The following C19orf38 variants were observed in gnomAD, a reference collection of about 807,000 sequenced individuals.
C19orf38 encodes chromosome 19 open reading frame 38.
C19orf38 carries 14 observed loss-of-function variants against 26.6 expected under a neutral mutation model. The observed-to-expected ratio is 0.53, with a 90% CI of 0.35 to 0.82. The LOEUF (loss-of-function observed/expected upper bound fraction) is 0.82, where lower values mean the gene tolerates loss of function less well. Ranked by LOEUF, C19orf38 falls within the 40% of genes least tolerant of loss-of-function variation. C19orf38 has a pLI of 0.01. For missense variants in C19orf38, 261 were observed against 299.5 expected (o/e 0.87, Z 0.95); for synonymous variants, 132 against 128.5 (o/e 1.03, Z -0.18).
intron 4 of C19orf38, among the ~76,000 whole-genome samples, chr19:10,859,128 G>A (rs1283892334): frequency 6.7e-6 from 1 of 149,532 alleles, no homozygotes; most frequent in Non-Finnish European, 1.5e-5. Flanking sequence ...GTAGAGACGG[G>A]ATTTCTCCAT....
At chr19:10,838,755 T>G (rs557908723) in intron 1 of C19orf38, among the ~76,000 whole-genome samples, 5 of 152,138 alleles carry the variant, frequency 3.3e-5, no homozygotes, top group Non-Finnish European at 5.9e-5. Context: ...ATAGATGAGC[T>G]GGTGAGGAGA....
chr19:10,853,954 G>A (rs184330936), intron 2 of C19orf38, among the ~76,000 whole-genome samples: 93 of 149,472 alleles, frequency 6.2e-4, no homozygotes, highest in Non-Finnish European at 9.8e-4. Context: ...TCAGTAGGCT[G>A]AGGCAGGTGG....
At chr19:10,842,175 C>T in intron 1 of C19orf38, 1 of 1,562,722 alleles carries the variant, frequency 6.4e-7, no homozygotes, top group African/African-American at 1.4e-5. Context: ...AATGTTCATT[C>T]CGGCAAATGT....
chr19:10,837,503 CTT>C (rs958209460), intron 1 of C19orf38, among the ~76,000 whole-genome samples: 6 of 93,614 alleles, frequency 6.4e-5, no homozygotes, highest in South Asian at 3.8e-4. Flanking sequence ...TTTTTTTTTC[CTT>C]TTTTTTTTTT....
chr19:10,849,672 A>G (rs564737232), intron 1 of C19orf38, among the ~76,000 whole-genome samples: 1 of 152,170 alleles, frequency 6.6e-6, no homozygotes, highest in African/African-American at 2.4e-5. Context: ...CTGGGCGACA[A>G]AGCAAGATTT....
chr19:10,855,728 CA>C (rs2073618077), intron 2 of C19orf38, among the ~76,000 whole-genome samples: 1 of 152,100 alleles, frequency 6.6e-6, no homozygotes, highest in Non-Finnish European at 1.5e-5. Context: ...CGGGGTTTCA[CA>C]GTGTTAGCCA....
exon 1 of C19orf38, chr19:10,836,724 G>A (rs2073434001): frequency 6.5e-6 from 1 of 153,278 alleles, no homozygotes; most frequent in East Asian, 1.9e-4. Context: ...CGTGGTCCAG[G>A]TTCGACGCCT....
chr19:10,844,125 G>A (rs1599655470), upstream of C19orf38, among the ~76,000 whole-genome samples: 1 of 150,082 alleles, frequency 6.7e-6, no homozygotes. Flanking sequence ...AAAAAAAAAA[G>A]GCTGGACACG....
At chr19:10,865,958 T>A (rs7260254) in intron 6 of C19orf38, among the ~76,000 whole-genome samples, 38,270 of 151,544 alleles carry the variant, frequency 0.25, 4,889 homozygotes, top group Middle Eastern at 0.33. Context: ...GACCACAGAC[T>A]TCCACCACCA....
At position 10,848,553 on chromosome 19, in the gene C19orf38, C is replaced by G. The variant is rs1254974529; in HGVS notation, c.31+14C>G. 8.1e-6 allele frequency: 12 copies of G among 1,481,746 alleles called. No individual in the cohort carries two copies. Among genetic ancestry groups the G allele is most frequent in the Non-Finnish European group, 1.0e-5 (11 of 1,103,784 alleles). The allele number at this position is 1,481,746 out of a possible 1,614,324, so 91.8% of individuals were successfully genotyped here. The stretch of plus-strand genomic sequence containing the variant: ...TCTTTGCAGCTGGTGAGTCTGAAGC[C>G]CCCCTCTCAGATCCCCCACGCCTTT... On this transcript the variant is annotated intron_variant, in intron 1 of 6. Transcript: ENST00000397820.
At chr19:10,855,255 A>G (rs374849504) in intron 2 of C19orf38, among the ~76,000 whole-genome samples, 1 of 151,240 alleles carries the variant, frequency 6.6e-6, no homozygotes, top group South Asian at 2.1e-4. Context: ...TTGATCTCGA[A>G]CTCCTGACCT....
intron 6 of C19orf38, among the ~76,000 whole-genome samples, chr19:10,865,879 C>G (rs951003165): frequency 1.3e-5 from 2 of 151,978 alleles, no homozygotes; most frequent in African/African-American, 2.4e-5. Flanking sequence ...GGGGCACCAT[C>G]ATAGCTCACT....
chr19:10,860,319 G>T (rs2073683978), intron 5 of C19orf38, among the ~76,000 whole-genome samples: 1 of 151,850 alleles, frequency 6.6e-6, no homozygotes, highest in South Asian at 2.1e-4. Context: ...AGATCACGAG[G>T]TCAGGAATTC....
intron 1 of C19orf38, among the ~76,000 whole-genome samples, chr19:10,842,403 G>C (rs1220660632): frequency 1.3e-5 from 2 of 151,974 alleles, no homozygotes; most frequent in East Asian, 3.9e-4. Context: ...TGGGACTACA[G>C]GTGCCCGCCA....
intron 6 of C19orf38, among the ~76,000 whole-genome samples, chr19:10,866,473 T>A (rs1359147268): frequency 2.0e-5 from 3 of 151,106 alleles, no homozygotes; most frequent in Non-Finnish European, 2.9e-5. Context: ...CCCAAAGTGC[T>A]GGGATTACAG....
At chr19:10,867,743 C>T (rs924792854) in intron 6 of C19orf38, among the ~76,000 whole-genome samples, 4 of 141,076 alleles carry the variant, frequency 2.8e-5, no homozygotes, top group Non-Finnish European at 4.6e-5. Context: ...ACCTCTGCCT[C>T]CCAGCCTCCA....
At chr19:10,845,876 CA>C (rs967662038), upstream of C19orf38, among the ~76,000 whole-genome samples, 620 of 72,466 alleles carry the variant, frequency 8.6e-3, no homozygotes, top group African/African-American at 0.012. Flanking sequence ...AAGACTCCGT[CA>C]AAAAAAAAAA....
At chr19:10,861,398 C>T (rs1195729446) in intron 5 of C19orf38, among the ~76,000 whole-genome samples, 1 of 152,188 alleles carries the variant, frequency 6.6e-6, no homozygotes, top group Admixed American at 6.5e-5. Flanking sequence ...CTCTGTACTT[C>T]ATTCCTGGTC....
chr19:10,857,339 C>T (rs866716931), intron 3 of C19orf38, among the ~76,000 whole-genome samples: 103 of 53,976 alleles, frequency 1.9e-3, no homozygotes, highest in East Asian at 0.012. Context: ...CACACACATA[C>T]ATATATATAT....
Sources: gnomAD v4.1 joint callset for allele counts (sites outside exome capture counted in the v4.1 genomes callset) on GRCh38, gnomAD v4.1.1 for gene constraint, MANE v1.5 for transcripts, NCBI Gene and HGNC (gene_info 2026-07-23, HGNC 2026-07-21) for gene names.